Variants in GREB1L observed in about 807,000 individuals in gnomAD.
The protein encoded by GREB1L is GREB1 like retinoic acid receptor coactivator.
GREB1L carries 17 observed loss-of-function variants against 200.8 expected under a neutral mutation model. The ratio of observed to expected loss-of-function variants is 0.08; its 90% CI spans 0.06 to 0.13. GREB1L has a LOEUF of 0.13. Ranked by LOEUF, GREB1L falls within the 10% of genes least tolerant of loss-of-function variation. The pLI, the probability that GREB1L is intolerant of heterozygous loss-of-function variation, is 1.00. For missense variants in GREB1L, 1,657 were observed against 2,367.7 expected, an observed-to-expected ratio of 0.70 and a Z score of 6.23; for synonymous variants, 789 against 893.0, an observed-to-expected ratio of 0.88 and a Z score of 2.08.
At chr18:21,486,129 C>T (rs1322800373) in intron 18 of GREB1L, among the ~76,000 whole-genome samples, 6 of 152,108 alleles carry the variant, frequency 3.9e-5, no homozygotes, top group African/African-American at 1.2e-4. Flanking sequence ...CCGAGGCGGG[C>T]GGACCATGAC....
rs1450560343 is a variant in GREB1L, at chr18:21,503,891, ATC to A, written c.4073-1519_4073-1518del. On this transcript the variant is annotated intron_variant, in intron 23 of 32. Transcript: ENST00000424526. ...CTGCACCTGGCCAATCATAAAAAAT[ATC>A]TGTTAGACACCAGCTGTGTGCCTGC... Among the ~76,000 whole-genome samples the A allele has an allele frequency of 7.5e-5, 11 of 147,378 alleles. No homozygotes were observed. The South Asian group carries it at 1.7e-3, about 23-fold the overall frequency.
intron 1 of GREB1L, among the ~76,000 whole-genome samples, chr18:21,322,049 G>A (rs982383334): frequency 2.6e-5 from 4 of 152,112 alleles, no homozygotes; most frequent in Non-Finnish European, 5.9e-5. Context: ...TAAGGAGGAG[G>A]TGAAATTATT....
chr18:21,493,054 A>G (rs2145875331), intron 19 of GREB1L, among the ~76,000 whole-genome samples: 1 of 152,178 alleles, frequency 6.6e-6, no homozygotes, highest in East Asian at 1.9e-4. Context: ...ATATGAGATC[A>G]TGTTGGGATG....
chr18:21,430,734 T>G (rs1006126925), intron 7 of GREB1L, among the ~76,000 whole-genome samples: 6 of 151,308 alleles, frequency 4.0e-5, no homozygotes, highest in Admixed American at 2.6e-4. Context: ...GTAGATGGGA[T>G]TACAGGCATG....
chr18:21,299,865 T>C (rs1471959706), intron 1 of GREB1L, among the ~76,000 whole-genome samples: 1 of 152,164 alleles, frequency 6.6e-6, no homozygotes, highest in Non-Finnish European at 1.5e-5. Flanking sequence ...GGGAAAATAT[T>C]TTAATTGTAG....
Position 21,394,826 on chromosome 18 carries a change from A to G in GREB1L, c.356-559A>G, listed in dbSNP as rs1376138740. Among the ~76,000 whole-genome samples, 3 of 151,746 alleles carry G rather than the reference A, an allele frequency of 2.0e-5. No homozygotes were observed. The East Asian group carries it at 5.8e-4, about 29-fold the overall frequency. On this transcript the variant is annotated intron_variant, in intron 4 of 32. Coordinates refer to ENST00000424526, the MANE Select transcript of GREB1L (RefSeq NM_001142966.3). ...TTCACCATTGCCCCACTTGTTGACC[A>G]GACTCACGCCTGTAATCCCAGCACT...
intron 7 of GREB1L, among the ~76,000 whole-genome samples, chr18:21,430,539 GTGAT>G (rs2033055366): frequency 7.0e-6 from 1 of 142,174 alleles, no homozygotes; most frequent in Non-Finnish European, 1.5e-5. Flanking sequence ...GTTTCTTAAG[GTGAT>G]TGATTTGGGA....
At chr18:21,284,887 A>T (rs941788739) in intron 1 of GREB1L, among the ~76,000 whole-genome samples, 2 of 152,182 alleles carry the variant, frequency 1.3e-5, no homozygotes, top group Non-Finnish European at 2.9e-5. Flanking sequence ...GGTATGAAGT[A>T]GTATCCCATT....
intron 1 of GREB1L, among the ~76,000 whole-genome samples, chr18:21,358,771 G>A (rs571736523): frequency 2.6e-5 from 4 of 152,268 alleles, no homozygotes; most frequent in African/African-American, 7.2e-5. Flanking sequence ...CACCGAAATC[G>A]CAGAAATCAC....
chr18:21,486,763 C>A (rs1480028513), intron 18 of GREB1L, among the ~76,000 whole-genome samples: 1 of 152,070 alleles, frequency 6.6e-6, no homozygotes, highest in Non-Finnish European at 1.5e-5. Flanking sequence ...AATAAAGGTC[C>A]CTTTCTGCCC....
At chr18:21,422,201 C>G (rs1459025573) in intron 7 of GREB1L, among the ~76,000 whole-genome samples, 1 of 152,162 alleles carries the variant, frequency 6.6e-6, no homozygotes, top group African/African-American at 2.4e-5. Context: ...GCACCAGGTT[C>G]TGCACGGTAG....
intron 1 of GREB1L, among the ~76,000 whole-genome samples, chr18:21,331,647 C>T (rs146073760): frequency 4.6e-4 from 70 of 152,296 alleles, no homozygotes; most frequent in Middle Eastern, 3.4e-3. Flanking sequence ...TCCTGTTCCT[C>T]ATGCAGATCT....
Position 21,471,827 on chromosome 18 carries a change from C to G in GREB1L, c.2183-1204C>G, listed in dbSNP as rs545273887. On this transcript the variant is annotated intron_variant, in intron 15 of 32. Transcript: ENST00000424526. The stretch of plus-strand genomic sequence containing the variant: ...ATAGAGATAAGGTCTCACTATGTTG[C>G]CCAAGCTGGTCTGGAACTCCTGGCC... Among the ~76,000 whole-genome samples, 6 of 152,064 alleles carry G rather than the reference C, an allele frequency of 3.9e-5. No homozygotes were observed. The South Asian group carries it at 1.2e-3, about 32-fold the overall frequency.
rs2037719915 is a variant in GREB1L, at chr18:21,252,286, A to G, written c.-120+9893A>G. Among the ~76,000 whole-genome samples the G allele has an allele frequency of 2.0e-5, 3 of 151,922 alleles. No homozygotes were observed. The South Asian group carries it at 6.2e-4, about 31-fold the overall frequency. ...TTGAAAGTTATATTAGTCCGGGTGC[A>G]GTGGCTTATGCCTGTAATCCCAGCA... On this transcript the variant is annotated intron_variant, in intron 1 of 32. Coordinates refer to ENST00000424526, the MANE Select transcript of GREB1L (RefSeq NM_001142966.3).
At chr18:21,374,201 G>A (rs1306304388) in intron 2 of GREB1L, among the ~76,000 whole-genome samples, 2 of 151,958 alleles carry the variant, frequency 1.3e-5, no homozygotes, top group Non-Finnish European at 2.9e-5. Context: ...ACAGGGTTTC[G>A]TCATGTTGCC....
At chr18:21,318,538 A>G (rs997628723) in intron 1 of GREB1L, among the ~76,000 whole-genome samples, 3 of 152,208 alleles carry the variant, frequency 2.0e-5, no homozygotes, top group African/African-American at 7.2e-5. Context: ...CCCAGTCATA[A>G]TTGGTCTGTA....
intron 17 of GREB1L, among the ~76,000 whole-genome samples, chr18:21,484,180 T>A (rs1021817780): frequency 1.4e-5 from 2 of 142,048 alleles, no homozygotes; most frequent in African/African-American, 5.1e-5. Context: ...ATATATATAA[T>A]TTTTTTTTTT....
Position 21,490,241 on chromosome 18 carries a change from C to T in GREB1L, c.2920C>T (p.Arg974Trp), listed in dbSNP as rs756651889. ...GCAGCTGGCGATGTTAGCCAAGGAG[C>T]GGCTACAGGAGGTGCGCGACAAACT... ...SVQLAMLAKE[R>W]LQEVRDKLGL... The change falls in exon 19 of 33, where the codon CGG becomes TGG. Residue 974 changes from arginine to tryptophan, a missense_variant. Around this residue, in one of 9 missense-constraint regions of GREB1L, gnomAD observed 512 missense variants for 668.3 expected, o/e 0.77. Transcript: ENST00000424526. 20 of 1,551,526 alleles carry T rather than the reference C, an allele frequency of 1.3e-5. No homozygotes were observed. Among genetic ancestry groups the T allele is most frequent in the South Asian group, 2.4e-5 (2 of 84,052 alleles).
chr18:21,386,804 C>T (rs2040562981), intron 4 of GREB1L, among the ~76,000 whole-genome samples: 1 of 152,144 alleles, frequency 6.6e-6, no homozygotes, highest in Admixed American at 6.5e-5. Flanking sequence ...CACGCCCAGC[C>T]AGTAGCTCTT....
Sources: allele counts gnomAD v4.1 joint callset (sites outside exome capture counted in the v4.1 genomes callset), GRCh38; gene constraint gnomAD v4.1.1; regional missense constraint gnomAD v4.1.1; transcripts MANE v1.5; gene names NCBI Gene and HGNC (gene_info 2026-07-23, HGNC 2026-07-21).